HAUS6: variants seen among roughly 807,000 people sequenced by gnomAD.
HAUS6 encodes HAUS augmin like complex subunit 6, also known as HAUS augmin-like complex subunit 6.
Under a neutral mutation model 106.8 loss-of-function variants are expected in HAUS6, and 80 were observed. The ratio of observed to expected loss-of-function variants is 0.75; its 90% CI spans 0.63 to 0.90. The LOEUF is 0.90. Ranked by LOEUF, HAUS6 falls within the 40% of genes least tolerant of loss-of-function variation. The probability of loss-of-function intolerance (pLI) is 0.00; values close to 1 mark genes in which losing one functional copy is unlikely to be tolerated. For missense variants in HAUS6, 1,155 were observed against 1,118.1 expected (o/e 1.03, Z -0.47); for synonymous variants, 356 against 379.1 (o/e 0.94, Z 0.71).
At position 19,053,305 on chromosome 9, in the gene HAUS6, C is replaced by T. The variant is rs899129944; in HGVS notation, c.*3038G>A. On this transcript the variant is annotated 3_prime_UTR_variant, in exon 17 of 17. Coordinates refer to ENST00000380502, the MANE Select transcript of HAUS6 (RefSeq NM_017645.5). ...CTATGTATCTGCAACATAAAAGAAACATTTACTTCAATGCTTTTACATTGA... is the reference window on the plus strand; with the variant it reads ...CTATGTATCTGCAACATAAAAGAAATATTTACTTCAATGCTTTTACATTGA... The T allele has an allele frequency of 1.3e-5, 2 of 152,116 alleles. No homozygotes were observed. Among genetic ancestry groups the T allele is most frequent in the Admixed American group, 6.6e-5 (1 of 15,266 alleles). 9.4% of individuals were successfully genotyped at this position (152,116 alleles called of 1,614,324 possible). A position where few individuals can be genotyped will look rare whatever the true frequency, so the allele number is the denominator to read the frequency against.
chr9:19,090,552 G>C (rs541929398), intron 4 of HAUS6, among the ~76,000 whole-genome samples: 1 of 152,274 alleles, frequency 6.6e-6, no homozygotes, highest in South Asian at 2.1e-4. Context: ...TTTTAGTAGA[G>C]ACGGGTTTCA....
intron 11 of HAUS6, among the ~76,000 whole-genome samples, chr9:19,072,508 C>CAA (rs200403186): frequency 1.3e-4 from 16 of 127,100 alleles, no homozygotes; most frequent in African/African-American, 3.8e-4. Context: ...GACTCTGTCT[C>CAA]AAAAAAAAAA....
intron 1 of HAUS6, among the ~76,000 whole-genome samples, chr9:19,098,464 G>C (rs764405135): frequency 6.6e-6 from 1 of 150,704 alleles, no homozygotes; most frequent in Non-Finnish European, 1.5e-5. Flanking sequence ...AATTATATAA[G>C]GGAAAATTTA....
chr9:19,066,499 T>C (rs1034133158), intron 12 of HAUS6, among the ~76,000 whole-genome samples: 1 of 152,072 alleles, frequency 6.6e-6, no homozygotes, highest in African/African-American at 2.4e-5. Context: ...ATCTTTGAAA[T>C]GTGGTATAGG....
At chr9:19,089,734 G>GA (rs1482111426) in intron 4 of HAUS6, 175 bp from the exon 5 acceptor site, 1 of 516,710 alleles carries the variant, frequency 1.9e-6, no homozygotes, top group Non-Finnish European at 3.4e-6. Context: ...CAAAAATGTT[G>GA]AATTTCAATA....
rs769090377 is a variant in HAUS6 at position 19,058,837 on chromosome 9, T to G, written c.1930A>C (p.Thr644Pro). ...TGAGACTGGCCAAAATCTGATACAG[T>G]GGTTTCTAAGAGAAAATCAGCCATG... Reference protein sequence around the residue: ...FSMADFLLETTVSDFGQSHLT... With the variant: ...FSMADFLLETPVSDFGQSHLT... Residue 644 changes from threonine (T) to proline (P), a missense_variant, in exon 16 of 17, where the codon ACT becomes CCT. Around this residue, in one of 3 missense-constraint regions of HAUS6, gnomAD observed 380 missense variants for 394.8 expected, o/e 0.96. Transcript: ENST00000380502. The G allele has an allele frequency of 1.9e-6, 3 of 1,614,210 alleles. No individual in the cohort carries two copies. Among genetic ancestry groups the G allele is most frequent in the Non-Finnish European group, 2.5e-6 (3 of 1,180,020 alleles).
chr9:19,078,708 A>C (rs1198622510), intron 9 of HAUS6, among the ~76,000 whole-genome samples: 1 of 151,992 alleles, frequency 6.6e-6, no homozygotes, highest in African/African-American at 2.4e-5. Context: ...GAATCGCTTG[A>C]ACCCAGGAGG....
intron 9 of HAUS6, among the ~76,000 whole-genome samples, chr9:19,078,504 A>G (rs1430325197): frequency 6.6e-6 from 1 of 152,160 alleles, no homozygotes; most frequent in Non-Finnish European, 1.5e-5. Context: ...GACCATAAAG[A>G]AGGCCGGGGG....
intron 2 of HAUS6, 152 bp downstream of exon 2, chr9:19,096,522 G>A (rs999277304): frequency 1.2e-4 from 59 of 494,802 alleles, no homozygotes; most frequent in African/African-American, 1.1e-3. Context: ...CCTAGATCAC[G>A]CCACTGCACT....
intron 1 of HAUS6, among the ~76,000 whole-genome samples, chr9:19,101,286 C>A (rs1391488564): frequency 6.6e-6 from 1 of 152,110 alleles, no homozygotes; most frequent in African/African-American, 2.4e-5. Context: ...TTGGAGTGGC[C>A]AAGGCGGGGG....
chr9:19,065,373 G>A (rs999197030), intron 12 of HAUS6, among the ~76,000 whole-genome samples: 1 of 151,988 alleles, frequency 6.6e-6, no homozygotes, highest in Non-Finnish European at 1.5e-5. Flanking sequence ...GAAGAACAGA[G>A]AGAAAAAAGA....
intron 7 of HAUS6, among the ~76,000 whole-genome samples, chr9:19,083,438 A>G (rs910397868): frequency 2.6e-5 from 4 of 152,110 alleles, no homozygotes; most frequent in African/African-American, 9.7e-5. Context: ...ACAAGATACA[A>G]TTAGCATTTT....
At chr9:19,076,053 T>C (rs1391152476) in intron 11 of HAUS6, among the ~76,000 whole-genome samples, 2 of 150,558 alleles carry the variant, frequency 1.3e-5, no homozygotes, top group African/African-American at 4.9e-5. Flanking sequence ...AGAGGGTTTT[T>C]TTGAGATGAT....
At chr9:19,077,185 G>A (rs1489174901) in intron 10 of HAUS6, among the ~76,000 whole-genome samples, 1 of 152,154 alleles carries the variant, frequency 6.6e-6, no homozygotes, top group Non-Finnish European at 1.5e-5. Flanking sequence ...TAGGAGCAAG[G>A]GGGATTACTT....
intron 11 of HAUS6, 31 bp downstream of exon 11, chr9:19,076,571 T>C: frequency 1.0e-6 from 1 of 961,908 alleles, no homozygotes; most frequent in Non-Finnish European, 1.7e-6. Flanking sequence ...GAAGGAGGTT[T>C]CAAAGAGAAA....
chr9:19,077,049 G>T (rs1276050110), intron 10 of HAUS6, among the ~76,000 whole-genome samples: 1 of 152,068 alleles, frequency 6.6e-6, no homozygotes, highest in African/African-American at 2.4e-5. Context: ...TCACCATGTT[G>T]TCCAGGCTGG....
At chr9:19,083,501 T>C (rs1348978693) in intron 7 of HAUS6, among the ~76,000 whole-genome samples, 3 of 152,010 alleles carry the variant, frequency 2.0e-5, no homozygotes, top group Non-Finnish European at 4.4e-5. Context: ...GAGAAATAAT[T>C]TTAAAAATTT....
Position 19,093,305 on chromosome 9 carries a change from TATG to T in HAUS6, c.304-5_304-3del, listed in dbSNP as rs749365827. The T allele has an allele frequency of 5.0e-6, 8 of 1,594,608 alleles. No individual in the cohort carries two copies. Among genetic ancestry groups the T allele is most frequent in the Non-Finnish European group, 6.8e-6 (8 of 1,170,974 alleles). ...AGGAAAGCTACTTCCACATTCACCC[TATG>T]AAGAAAAGAAATAAGATGATTTGAA... On this transcript the variant is annotated splice_polypyrimidine_tract_variant and splice_region_variant and intron_variant, in intron 3 of 16. Transcript: ENST00000380502.
chr9:19,060,292 A>C, intron 14 of HAUS6, 69 bp from the exon 15 acceptor site: 1 of 1,208,796 alleles, frequency 8.3e-7, no homozygotes, highest in South Asian at 1.7e-5. Flanking sequence ...AAAACCCCTG[A>C]TAAGGATAAT....
Sources: gnomAD v4.1 joint callset for allele counts (sites outside exome capture counted in the v4.1 genomes callset) on GRCh38, gnomAD v4.1.1 for gene constraint, gnomAD v4.1.1 regional missense constraint, MANE v1.5 for transcripts, NCBI Gene and HGNC (gene_info 2026-07-23, HGNC 2026-07-21) for gene names.